ODAD2: variants seen among roughly 807,000 people sequenced by gnomAD.
The protein encoded by ODAD2 is outer dynein arm-docking complex subunit 2.
ODAD2 carries 89 observed loss-of-function variants against 106.8 expected under a neutral mutation model. The observed-to-expected ratio is 0.83, with a 90% CI of 0.70 to 0.99. ODAD2 has a LOEUF of 0.99. ODAD2 is among the 50% of genes least tolerant of loss of function. The pLI is 0.00. For missense variants in ODAD2, 1,168 were observed against 1,238.5 expected (o/e 0.94, Z 0.85); for synonymous variants, 404 against 436.2 (o/e 0.93, Z 0.92).
intron 18 of ODAD2, 105 bp downstream of exon 18, chr10:27,862,329 T>C: frequency 1.2e-6 from 1 of 857,174 alleles, no homozygotes; most frequent in Non-Finnish European, 1.7e-6. Context: ...GCAATGGGTA[T>C]TAAACTTGAA....
In ODAD2 at chr10:27,885,547, TAAATATATAA is replaced by T. The variant is rs1371300261; in HGVS notation, c.2610+22106_2610+22115del. Among the ~76,000 whole-genome samples, 5 of 16,602 alleles carry T rather than the reference TAAATATATAA, an allele frequency of 3.0e-4. 1 individual carries two copies. The highest frequency in any genetic ancestry group is 5.7e-4 in the Non-Finnish European group (5 of 8,718). The allele number at this position is 16,602 out of a possible 152,430, so 10.9% of individuals were successfully genotyped here. A position where few individuals can be genotyped will look rare whatever the true frequency, so the allele number is the denominator to read the frequency against. ...AAAAAAAAAAAAATATATATATATA[TAAATATATAA>T]ATATAAATATATATATATATAAATA... is the stretch of plus-strand genomic sequence containing the variant. On this transcript the variant is annotated intron_variant, in intron 17 of 19. Transcript: ENST00000305242.
chr10:27,875,901 G>A (rs529492564), intron 17 of ODAD2, among the ~76,000 whole-genome samples: 7 of 152,284 alleles, frequency 4.6e-5, no homozygotes, highest in African/African-American at 7.2e-5. Flanking sequence ...AGATTATATC[G>A]CACGCCTGGC....
At position 27,987,380 on chromosome 10, in the gene ODAD2, G is replaced by T. The variant is rs377191029; in HGVS notation, c.382+6C>A. The stretch of plus-strand genomic sequence containing the variant: ...TTCAAATCACAGACTGGAGCATTAA[G>T]ATCACCTTCAACACATGCTTGGGCT... On this transcript the variant is annotated splice_donor_region_variant and intron_variant, in intron 3 of 19. Coordinates refer to ENST00000305242, the MANE Select transcript of ODAD2 (RefSeq NM_018076.5). 1.5e-5 allele frequency: 24 copies of T among 1,609,502 alleles called. No homozygotes were observed. Among genetic ancestry groups the T allele is most frequent in the Non-Finnish European group, 2.0e-5 (24 of 1,178,304 alleles).
At chr10:27,910,091 C>G (rs980042543) in intron 16 of ODAD2, among the ~76,000 whole-genome samples, 13 of 151,712 alleles carry the variant, frequency 8.6e-5, no homozygotes, top group Non-Finnish European at 1.9e-4. Flanking sequence ...ATATCAGGAT[C>G]GTTGTGTGAG....
At position 27,971,186 on chromosome 10, in the gene ODAD2, T is replaced by C. The variant is rs761585897; in HGVS notation, c.1064A>G (p.Gln355Arg). 1.2e-5 allele frequency: 20 copies of C among 1,613,894 alleles called. No individual in the cohort carries two copies. The highest frequency in any genetic ancestry group is 1.4e-5 in the Non-Finnish European group (17 of 1,179,932). Residue 355 changes from glutamine (Q) to arginine (R), a missense_variant, in exon 8 of 20, where the codon CAA (glutamine) becomes CGA (arginine). This residue lies in a region of ODAD2 where 430 missense variants were observed against 452.2 expected (regional missense o/e 0.95). Coordinates refer to ENST00000305242, the MANE Select transcript of ODAD2 (RefSeq NM_018076.5). ...GSDKRSLEKN[Q>R]INFWRNQMTK... is the part of the protein sequence containing the mutation. ...CATTTGATTCCTCCAAAAATTAATT[T>C]GGTTCTTCTCCAGTGACCTTTTGTC... is the stretch of plus-strand genomic sequence containing the variant.
chr10:27,959,186 G>A (rs1847934293), intron 10 of ODAD2, among the ~76,000 whole-genome samples: 1 of 97,622 alleles, frequency 1.0e-5, no homozygotes, highest in Non-Finnish European at 2.1e-5. Context: ...GGGGAGGGGA[G>A]TGGAGAGGAG....
In ODAD2 at chr10:27,944,365, G is replaced by A. The variant is rs1456549323; in HGVS notation, c.1600C>T (p.Leu534Phe). The A allele has an allele frequency of 1.2e-6, 2 of 1,613,792 alleles. No homozygotes were observed. Among genetic ancestry groups the A allele is most frequent in the East Asian group, 2.2e-5 (1 of 44,862 alleles). Residue 534 changes from leucine (L) to phenylalanine (F), a missense_variant, in exon 12 of 20, where the codon CTT (leucine) becomes TTT (phenylalanine). This residue lies in a region of ODAD2 where 701 missense variants were observed against 712.3 expected (regional missense o/e 0.98). Transcript: ENST00000305242. ...TTCACCATAATTGGTAAGCCCCCAAGGTCAACAATATTCTGTCTGATTTGA... is the reference window on the plus strand; with the variant it reads ...TTCACCATAATTGGTAAGCCCCCAAAGTCAACAATATTCTGTCTGATTTGA... The part of the protein sequence containing the change: ...NPQIRQNIVD[L>F]GGLPIMVNIL...
chr10:27,912,825 A>G (rs1844101523), intron 16 of ODAD2, among the ~76,000 whole-genome samples: 1 of 152,162 alleles, frequency 6.6e-6, no homozygotes, highest in Non-Finnish European at 1.5e-5. Context: ...GGAAACATAA[A>G]TGTATGTCAG....
chr10:27,895,470 T>G (rs1460593440), intron 17 of ODAD2, among the ~76,000 whole-genome samples: 2 of 152,128 alleles, frequency 1.3e-5, no homozygotes, highest in Non-Finnish European at 2.9e-5. Flanking sequence ...GTATTTTTAG[T>G]AGAGATGGGG....
intron 19 of ODAD2, among the ~76,000 whole-genome samples, chr10:27,844,726 AGG>A (rs1185367506): frequency 1.3e-5 from 2 of 152,254 alleles, no homozygotes; most frequent in Non-Finnish European, 2.9e-5. Context: ...TCTGGCACAC[AGG>A]AAGCTGAAAA....
At chr10:27,849,081 T>G (rs1839038130) in intron 19 of ODAD2, among the ~76,000 whole-genome samples, 1 of 152,226 alleles carries the variant, frequency 6.6e-6, no homozygotes, top group South Asian at 2.1e-4. Context: ...TAAAGCATGC[T>G]GCTATAAAGA....
At chr10:27,825,231 G>C (rs1012618428) in intron 19 of ODAD2, among the ~76,000 whole-genome samples, 28 of 152,112 alleles carry the variant, frequency 1.8e-4, no homozygotes, top group African/African-American at 6.8e-4. Context: ...TACCATCACT[G>C]GTCTGAGCCA....
intron 19 of ODAD2, among the ~76,000 whole-genome samples, chr10:27,814,366 T>C (rs964406683): frequency 2.6e-4 from 39 of 152,288 alleles, no homozygotes; most frequent in African/African-American, 9.4e-4. Context: ...CACCCGGCTG[T>C]CTCAATGAGA....
intron 19 of ODAD2, among the ~76,000 whole-genome samples, chr10:27,857,283 C>T (rs757943737): frequency 1.8e-4 from 27 of 152,274 alleles, no homozygotes; most frequent in Admixed American, 3.3e-4. Context: ...TAACACTTTT[C>T]TTCCTCTAGC....
chr10:27,866,424 A>C (rs943681670), intron 17 of ODAD2, among the ~76,000 whole-genome samples: 38 of 152,196 alleles, frequency 2.5e-4, no homozygotes, highest in Non-Finnish European at 4.0e-4. Flanking sequence ...TCAAAAGCAA[A>C]AACAGGGGCT....
chr10:27,996,519 C>T (rs1850567952), intron 1 of ODAD2, among the ~76,000 whole-genome samples: 1 of 151,894 alleles, frequency 6.6e-6, no homozygotes, highest in South Asian at 2.1e-4. Flanking sequence ...CAGGATAGTA[C>T]CTCAGAAGGA....
At chr10:27,954,072 A>T (rs915682913) in intron 10 of ODAD2, among the ~76,000 whole-genome samples, 2 of 152,230 alleles carry the variant, frequency 1.3e-5, no homozygotes, top group Admixed American at 6.5e-5. Flanking sequence ...CCATATAAAG[A>T]TGTAAAGTGA....
In ODAD2 at chr10:27,824,125, C is replaced by T. The variant is rs983875655; in HGVS notation, c.3022-11500G>A. Among the ~76,000 whole-genome samples, 7 of 86,430 alleles carry T rather than the reference C, an allele frequency of 8.1e-5. No individual in the cohort carries two copies. The East Asian group carries it at 1.8e-3, about 22-fold the overall frequency. The allele number at this position is 86,430 out of a possible 152,430, so 56.7% of individuals were successfully genotyped here. A position where few individuals can be genotyped will look rare whatever the true frequency, so the allele number is the denominator to read the frequency against. Reference sequence around the variant, plus strand: ...CACTGCACTCCAGCCTGGGCGACAGCGAGACTCCGTCTCAAAAAAAAAAAA... The same window carrying T: ...CACTGCACTCCAGCCTGGGCGACAGTGAGACTCCGTCTCAAAAAAAAAAAA... On this transcript the variant is annotated intron_variant, in intron 19 of 19. Coordinates refer to ENST00000305242, the MANE Select transcript of ODAD2 (RefSeq NM_018076.5).
At chr10:27,845,790 G>C (rs1838696664) in intron 19 of ODAD2, among the ~76,000 whole-genome samples, 3 of 152,162 alleles carry the variant, frequency 2.0e-5, no homozygotes, top group Non-Finnish European at 4.4e-5. Context: ...TGATAAAACA[G>C]ACTTTTAAAC....
Sources: gnomAD v4.1 joint callset for allele counts (sites outside exome capture counted in the v4.1 genomes callset) on GRCh38, gnomAD v4.1.1 for gene constraint, gnomAD v4.1.1 regional missense constraint, MANE v1.5 for transcripts, NCBI Gene and HGNC (gene_info 2026-07-23, HGNC 2026-07-21) for gene names.